Variants in RANBP17 observed in about 807,000 individuals in gnomAD.
The protein encoded by RANBP17 is RAN binding protein 17, also known as ran-binding protein 17.
Under a neutral mutation model 141.2 loss-of-function variants are expected in RANBP17, and 158 were observed. The ratio of observed to expected loss-of-function variants is 1.12; its 90% CI spans 0.98 to 1.28. The LOEUF (loss-of-function observed/expected upper bound fraction) is 1.28. Among genes scored for constraint, RANBP17 ranks in the 50% most tolerant of loss-of-function variants. The pLI, the probability that RANBP17 is intolerant of heterozygous loss-of-function variation, is 0.00. For missense variants in RANBP17, 1,438 were observed against 1,290.7 expected, an observed-to-expected ratio of 1.11 and a Z score of -1.75; for synonymous variants, 430 against 450.0, an observed-to-expected ratio of 0.96 and a Z score of 0.56.
intron 14 of RANBP17, among the ~76,000 whole-genome samples, chr5:171,131,303 A>G (rs1756903287): frequency 6.6e-6 from 1 of 152,212 alleles, no homozygotes; most frequent in Non-Finnish European, 1.5e-5. Flanking sequence ...GTTCCTATTT[A>G]TATCTGCTAC....
intron 18 of RANBP17, among the ~76,000 whole-genome samples, chr5:171,186,263 G>C (rs1434268419): frequency 1.3e-5 from 2 of 152,122 alleles, no homozygotes; most frequent in Non-Finnish European, 2.9e-5. Context: ...TTGAAAATCT[G>C]TTTAGTGCAG....
intron 14 of RANBP17, among the ~76,000 whole-genome samples, chr5:170,991,114 A>G (rs1048736676): frequency 6.6e-5 from 10 of 151,978 alleles, no homozygotes; most frequent in African/African-American, 1.9e-4. Flanking sequence ...TGGGAAAACT[A>G]CACTCCAATT....
chr5:171,121,443 G>A (rs1016746403), intron 14 of RANBP17, among the ~76,000 whole-genome samples: 4 of 152,320 alleles, frequency 2.6e-5, no homozygotes, highest in East Asian at 1.9e-4. Context: ...GGGCCGTCGC[G>A]CAGGTCAGGA....
chr5:171,295,988 G>T lies in RANBP17; in HGVS notation c.3144G>T (p.Gln1048His). 1 of 1,613,832 alleles carries T rather than the reference G, an allele frequency of 6.2e-7. No homozygotes were observed. Among genetic ancestry groups the T allele is most frequent in the South Asian group, 1.1e-5 (1 of 91,058 alleles). Residue 1048 changes from glutamine to histidine, a missense_variant, in exon 27 of 28, where the codon CAG (glutamine) becomes CAT (histidine). By Grantham distance (24) the Gln-to-His change is conservative. Transcript: ENST00000523189. ...CFRNLMEGVE[Q>H]NLSVKNRDRF... ...GAAACCTAATGGAAGGAGTGGAGCA[G>T]AACCTGTCCGTCAAGAACAGAGACA...
intron 14 of RANBP17, among the ~76,000 whole-genome samples, chr5:171,165,032 T>G (rs1035688618): frequency 2.0e-5 from 3 of 152,188 alleles, no homozygotes; most frequent in Non-Finnish European, 4.4e-5. Flanking sequence ...CTTCAAAAGG[T>G]GTTACCTGAC....
chr5:171,229,028 T>C (rs1764044767), intron 22 of RANBP17, among the ~76,000 whole-genome samples: 1 of 152,200 alleles, frequency 6.6e-6, no homozygotes. Context: ...CCTATAGTTA[T>C]GTATAAATGA....
At chr5:171,102,087 A>G (rs1018146840) in intron 14 of RANBP17, among the ~76,000 whole-genome samples, 8 of 152,062 alleles carry the variant, frequency 5.3e-5, no homozygotes, top group African/African-American at 1.4e-4. Flanking sequence ...TGCTCTTCTC[A>G]AGGAGTATCT....
intron 12 of RANBP17, among the ~76,000 whole-genome samples, chr5:170,948,838 G>C (rs1774977199): frequency 6.6e-6 from 1 of 152,032 alleles, no homozygotes; most frequent in African/African-American, 2.4e-5. Flanking sequence ...AAGACTGTTT[G>C]GTACCAGCAT....
At chr5:171,052,027 T>C (rs1366566530) in intron 14 of RANBP17, among the ~76,000 whole-genome samples, 2 of 152,154 alleles carry the variant, frequency 1.3e-5, no homozygotes, top group African/African-American at 4.8e-5. Flanking sequence ...CATTTGTTTG[T>C]TGGCTATTTG....
chr5:170,978,879 A>C (rs1407362354), intron 14 of RANBP17, among the ~76,000 whole-genome samples: 2 of 152,156 alleles, frequency 1.3e-5, no homozygotes, highest in African/African-American at 2.4e-5. Flanking sequence ...AGATTCATGG[A>C]AGCCTGGTGT....
At chr5:171,280,154 C>G (rs1439294366) in intron 25 of RANBP17, among the ~76,000 whole-genome samples, 1 of 152,172 alleles carries the variant, frequency 6.6e-6, no homozygotes, top group Non-Finnish European at 1.5e-5. Context: ...CACATACTTG[C>G]AGGTTAGATT....
intron 14 of RANBP17, among the ~76,000 whole-genome samples, chr5:171,083,848 A>C (rs1199825081): frequency 2.6e-5 from 4 of 152,110 alleles, no homozygotes; most frequent in Non-Finnish European, 4.4e-5. Context: ...GCCTGCTGCC[A>C]TGTGAGACGT....
At chr5:171,150,926 C>T (rs150428860) in intron 14 of RANBP17, among the ~76,000 whole-genome samples, 239 of 152,188 alleles carry the variant, frequency 1.6e-3, no homozygotes, top group African/African-American at 4.8e-3. Context: ...GAACTTGGTC[C>T]GCTGCTTTTG....
chr5:170,884,699 G>A (rs1435835223), intron 3 of RANBP17, among the ~76,000 whole-genome samples: 1 of 151,962 alleles, frequency 6.6e-6, no homozygotes, highest in African/African-American at 2.4e-5. Context: ...CTTTAAAAAT[G>A]TTTCTATAAA....
intron 1 of RANBP17, among the ~76,000 whole-genome samples, chr5:170,875,254 C>G (rs1008856401): frequency 6.6e-6 from 1 of 152,042 alleles, no homozygotes; most frequent in African/African-American, 2.4e-5. Flanking sequence ...TCCTGCTGCT[C>G]TTTATGTTTT....
chr5:171,054,796 A>G (rs758596234), intron 14 of RANBP17, among the ~76,000 whole-genome samples: 22 of 151,994 alleles, frequency 1.4e-4, no homozygotes, highest in Non-Finnish European at 2.6e-4. Context: ...CCTCCCTTTT[A>G]CAAGGGAATC....
At chr5:170,935,580 A>C (rs1193049807) in intron 12 of RANBP17, among the ~76,000 whole-genome samples, 1 of 152,182 alleles carries the variant, frequency 6.6e-6, no homozygotes, top group Middle Eastern at 3.2e-3. Flanking sequence ...GGTCCACTCC[A>C]GACCCTGTTT....
intron 14 of RANBP17, among the ~76,000 whole-genome samples, chr5:170,977,913 T>G (rs10042357): frequency 6.6e-6 from 1 of 151,724 alleles, no homozygotes; most frequent in African/African-American, 2.4e-5. Flanking sequence ...TGAAATTGAT[T>G]GTGGTGATGG....
intron 24 of RANBP17, among the ~76,000 whole-genome samples, chr5:171,260,984 T>G (rs896972406): frequency 6.6e-6 from 1 of 151,636 alleles, no homozygotes; most frequent in Non-Finnish European, 1.5e-5. Flanking sequence ...TTGGACACAT[T>G]ATTGAATTGG....
Sources: gnomAD v4.1 joint callset for allele counts (sites outside exome capture counted in the v4.1 genomes callset) on GRCh38, gnomAD v4.1.1 for gene constraint, MANE v1.5 for transcripts, NCBI Gene and HGNC (gene_info 2026-07-23, HGNC 2026-07-21) for gene names.